Variants in FAM180A observed in about 807,000 individuals in gnomAD.
The protein encoded by FAM180A is protein FAM180A.
Under a neutral mutation model 15.3 loss-of-function variants are expected in FAM180A, and 14 were observed. That is an observed-to-expected ratio of 0.92 (90% CI 0.61 to 1.43). The LOEUF (loss-of-function observed/expected upper bound fraction) is 1.43. Ranked by LOEUF, FAM180A falls within the 40% of genes most tolerant of loss-of-function variation. The pLI is 0.00. For synonymous variants in FAM180A, 90 were observed against 96.8 expected (o/e 0.93, Z 0.41); for missense variants, 200 against 220.8 (o/e 0.91, Z 0.60).
At position 135,729,850 on chromosome 7, in the gene FAM180A, A is replaced by AG. The variant is rs1360332160; in HGVS notation, c.*760dup. 1.3e-6 allele frequency: 1 copy of AG among 790,562 alleles called. No homozygotes were observed. Among genetic ancestry groups the AG allele is most frequent in the Non-Finnish European group, 1.5e-6 (1 of 652,336 alleles). The allele number at this position is 790,562 out of a possible 1,614,324, so 49.0% of individuals were successfully genotyped here. A position where few individuals can be genotyped will look rare whatever the true frequency, so the allele number is the denominator to read the frequency against. ...AATGGTGCCAAGAGCTGGGGCAGGC[A>AG]GGGGGAAGGGGAAAAGAGGAGTTGT... On this transcript the variant is annotated 3_prime_UTR_variant, in exon 4 of 4. Coordinates refer to ENST00000338588, the MANE Select transcript of FAM180A (RefSeq NM_205855.4).
At chr7:135,737,320 C>T in intron 1 of FAM180A, 121 bp from the exon 2 acceptor site, 2 of 721,960 alleles carry the variant, frequency 2.8e-6, no homozygotes, top group Non-Finnish European at 4.4e-6. Context: ...GGCACGGTGG[C>T]TCATGCCTCT....
chr7:135,733,482 G>T (rs111556740), intron 3 of FAM180A, 164 bp downstream of exon 3: 2,075 of 195,252 alleles, frequency 0.011, 36 homozygotes, highest in East Asian at 0.07. Flanking sequence ...GAGTAGCCAG[G>T]ATTACAGGTG....
At chr7:135,739,310 C>CG (rs34736678) in intron 1 of FAM180A, among the ~76,000 whole-genome samples, 1 of 76,610 alleles carries the variant, frequency 1.3e-5, no homozygotes, top group Non-Finnish European at 2.5e-5. Context: ...GACTGCATCT[C>CG]AAAAAAAAAA....
chr7:135,743,411 T>A (rs1382567326), intron 1 of FAM180A, among the ~76,000 whole-genome samples: 1 of 152,008 alleles, frequency 6.6e-6, no homozygotes, highest in Non-Finnish European at 1.5e-5. Context: ...GATGGGGTTG[T>A]TTACCATGTT....
At chr7:135,748,437 A>G (rs2129496374) in intron 1 of FAM180A, 68 bp downstream of exon 1, 1 of 1,333,296 alleles carries the variant, frequency 7.5e-7, no homozygotes, top group Non-Finnish European at 1.1e-6. Flanking sequence ...CCTTCCCTCC[A>G]AATTTTGAAT....
chr7:135,729,869 G>T lies in FAM180A; in HGVS notation c.*742C>A. The T allele has an allele frequency of 1.4e-6, 1 of 719,908 alleles. No homozygotes were observed. The highest frequency in any genetic ancestry group is 1.9e-5 in the African/African-American group (1 of 51,978). The allele number at this position is 719,908 out of a possible 1,614,324, so 44.6% of individuals were successfully genotyped here. A position where few individuals can be genotyped will look rare whatever the true frequency, so the allele number is the denominator to read the frequency against. ...GCAGGCAGGGGGAAGGGGAAAAGAG[G>T]AGTTGTTCGGTGGGTATAGAACTTC... is the stretch of plus-strand genomic sequence containing the variant. On this transcript the variant is annotated 3_prime_UTR_variant, in exon 4 of 4. Coordinates refer to ENST00000338588, the MANE Select transcript of FAM180A (RefSeq NM_205855.4).
chr7:135,733,819 A>C lies in FAM180A; in HGVS notation c.*156T>G. The C allele has an allele frequency of 7.1e-7, 1 of 1,400,236 alleles. No homozygotes were observed. Among genetic ancestry groups the C allele is most frequent in the Non-Finnish European group, 9.2e-7 (1 of 1,081,798 alleles). The allele number at this position is 1,400,236 out of a possible 1,614,324, so 86.7% of individuals were successfully genotyped here. A position where few individuals can be genotyped will look rare whatever the true frequency, so the allele number is the denominator to read the frequency against. On this transcript the variant is annotated 3_prime_UTR_variant, in exon 3 of 4. Transcript: ENST00000338588. ...TCAGATGTGTCTTCCAGGAAACTACAAGGAGAAAAGAGCATCGGGGTTACT... is the reference window on the plus strand; with the variant it reads ...TCAGATGTGTCTTCCAGGAAACTACCAGGAGAAAAGAGCATCGGGGTTACT...
At chr7:135,742,128 G>A (rs1796959584) in intron 1 of FAM180A, among the ~76,000 whole-genome samples, 1 of 152,186 alleles carries the variant, frequency 6.6e-6, no homozygotes, top group Non-Finnish European at 1.5e-5. Context: ...CAGCTCTAGG[G>A]CAGACATCTC....
Position 135,730,025 on chromosome 7 carries a change from A to C in FAM180A, c.*586T>G. On this transcript the variant is annotated 3_prime_UTR_variant, in exon 4 of 4. Coordinates refer to ENST00000338588, the MANE Select transcript of FAM180A (RefSeq NM_205855.4). ...GATGTGTTTTTTACCACAATAAAAA[A>C]AATAAGATTGAAATGGATTAGGAAA... The C allele has an allele frequency of 2.0e-6, 2 of 984,706 alleles. No individual in the cohort carries two copies. The highest frequency in any genetic ancestry group is 2.4e-6 in the Non-Finnish European group (2 of 829,270). 61.0% of individuals were successfully genotyped at this position (984,706 alleles called of 1,614,324 possible).
chr7:135,729,880 T>C lies in FAM180A; in HGVS notation c.*731A>G. Reference sequence around the variant, plus strand: ...GAAGGGGAAAAGAGGAGTTGTTCGGTGGGTATAGAACTTCAGAATTACAAG... The same window carrying C: ...GAAGGGGAAAAGAGGAGTTGTTCGGCGGGTATAGAACTTCAGAATTACAAG... On this transcript the variant is annotated 3_prime_UTR_variant, in exon 4 of 4. Transcript: ENST00000338588. 1.4e-6 allele frequency: 1 copy of C among 696,264 alleles called. No homozygotes were observed. Among genetic ancestry groups the C allele is most frequent in the Non-Finnish European group, 1.8e-6 (1 of 566,452 alleles). The allele number at this position is 696,264 out of a possible 1,614,324, so 43.1% of individuals were successfully genotyped here.
chr7:135,734,878 A>C (rs1234319487), intron 2 of FAM180A, among the ~76,000 whole-genome samples: 1 of 152,114 alleles, frequency 6.6e-6, no homozygotes. Flanking sequence ...AAAGGTCATA[A>C]AATTACTGAT....
At chr7:135,740,461 C>T (rs1360330942) in intron 1 of FAM180A, among the ~76,000 whole-genome samples, 4 of 152,120 alleles carry the variant, frequency 2.6e-5, no homozygotes, top group Non-Finnish European at 5.9e-5. Flanking sequence ...TCGATTCATC[C>T]GGGCACTTTT....
At chr7:135,739,492 G>A (rs1049659069) in intron 1 of FAM180A, among the ~76,000 whole-genome samples, 1 of 145,550 alleles carries the variant, frequency 6.9e-6, no homozygotes, top group Non-Finnish European at 1.5e-5. Flanking sequence ...GGCGCCCGTA[G>A]TCCCAGCTAC....
rs527941102 is a variant in FAM180A at position 135,739,289 on chromosome 7, C to T, written c.77-2090G>A. The stretch of plus-strand genomic sequence containing the variant: ...CGTGCCACACTGCACTCCAGCCTGG[C>T]GACAGAGTGAGACTGCATCTCAAAA... On this transcript the variant is annotated intron_variant, in intron 1 of 3. Transcript: ENST00000338588. Among the ~76,000 whole-genome samples the T allele has an allele frequency of 1.3e-4, 15 of 111,790 alleles. 1 individual carries two copies. The highest frequency in any genetic ancestry group is 3.0e-4 in the South Asian group (1 of 3,352). 73.3% of individuals were successfully genotyped at this position (111,790 alleles called of 152,430 possible).
At chr7:135,741,736 A>G (rs1434208666) in intron 1 of FAM180A, among the ~76,000 whole-genome samples, 1 of 151,808 alleles carries the variant, frequency 6.6e-6, no homozygotes, top group African/African-American at 2.4e-5. Flanking sequence ...AGGCAGGAGG[A>G]TCAACTGGGC....
rs1343678134 is a variant in FAM180A at position 135,734,402 on chromosome 7, A to G, written c.178-83T>C. The G allele has an allele frequency of 6.2e-5, 82 of 1,318,944 alleles. No individual in the cohort carries two copies. The Admixed American group carries it at 2.1e-3, about 34-fold the overall frequency. 81.7% of individuals were successfully genotyped at this position (1,318,944 alleles called of 1,614,324 possible). On this transcript the variant is annotated intron_variant, in intron 2 of 3. Transcript: ENST00000338588. ...TGTTCATTATCACGCACCTTCCCTTAGGGAGGCAGCTGCCAGAAGAGCTTT... is the reference window on the plus strand; with the variant it reads ...TGTTCATTATCACGCACCTTCCCTTGGGGAGGCAGCTGCCAGAAGAGCTTT...
At position 135,737,202 on chromosome 7, in the gene FAM180A, G is replaced by C. The variant is rs768655230; in HGVS notation, c.77-3C>G. ...GTGGGCGGCAGGGAAGAGCACAGCT[G>C]AAAGAAAGAAAACAGTGAGTTCCTG... On this transcript the variant is annotated splice_region_variant and splice_polypyrimidine_tract_variant and intron_variant, in intron 1 of 3. Coordinates refer to ENST00000338588, the MANE Select transcript of FAM180A (RefSeq NM_205855.4). 2.5e-6 allele frequency: 4 copies of C among 1,587,134 alleles called. No homozygotes were observed. The highest frequency in any genetic ancestry group is 3.4e-6 in the Non-Finnish European group (4 of 1,168,986).
intron 3 of FAM180A, among the ~76,000 whole-genome samples, chr7:135,731,795 A>T (rs1401073768): frequency 1.3e-5 from 2 of 152,204 alleles, no homozygotes; most frequent in Non-Finnish European, 2.9e-5. Flanking sequence ...CTCCAAAAAG[A>T]TCATGCGGCT....
chr7:135,748,413 G>A (rs553250389), intron 1 of FAM180A, 92 bp downstream of exon 1: 35 of 943,144 alleles, frequency 3.7e-5, no homozygotes, highest in Admixed American at 5.3e-5. Context: ...AGGAGAGTGC[G>A]GGGCTTCTAA....
Sources: gnomAD v4.1 joint callset for allele counts (sites outside exome capture counted in the v4.1 genomes callset) on GRCh38, gnomAD v4.1.1 for gene constraint, MANE v1.5 for transcripts, NCBI Gene and HGNC (gene_info 2026-07-23, HGNC 2026-07-21) for gene names.